GRAMD1B: variants seen among roughly 807,000 people sequenced by gnomAD.
GRAMD1B encodes the protein protein Aster-B.
In GRAMD1B, 37 loss-of-function variants were observed where a neutral mutation model predicts 99.7. That is an observed-to-expected ratio of 0.37 (90% CI 0.29 to 0.49). GRAMD1B has a LOEUF of 0.49. Among genes scored for constraint, GRAMD1B ranks in the 20% least tolerant of loss-of-function variants. The probability of loss-of-function intolerance (pLI) is 0.98; values close to 1 mark genes in which losing one functional copy is unlikely to be tolerated. For missense variants in GRAMD1B, 888 were observed against 1,009.2 expected (o/e 0.88, Z 1.63); for synonymous variants, 427 against 387.6 (o/e 1.10, Z -1.19).
chr11:123,571,356 G>C (rs1948061408), intron 2 of GRAMD1B, among the ~76,000 whole-genome samples: 1 of 152,200 alleles, frequency 6.6e-6, no homozygotes, highest in Non-Finnish European at 1.5e-5. Flanking sequence ...CGTGGGGGGT[G>C]AGGGTGGGGG....
At chr11:123,555,664 T>C (rs1383230977) in intron 2 of GRAMD1B, among the ~76,000 whole-genome samples, 1 of 151,954 alleles carries the variant, frequency 6.6e-6, no homozygotes, top group Non-Finnish European at 1.5e-5. Context: ...GATGGATTTT[T>C]AGAAATAACT....
intron 2 of GRAMD1B, among the ~76,000 whole-genome samples, chr11:123,517,664 C>G (rs561201745): frequency 6.6e-6 from 1 of 152,330 alleles, no homozygotes; most frequent in East Asian, 1.9e-4. Flanking sequence ...GTGTCAGTCC[C>G]TGTTCAATGA....
At chr11:123,491,056 G>C (rs1016895508) in intron 2 of GRAMD1B, among the ~76,000 whole-genome samples, 3 of 152,168 alleles carry the variant, frequency 2.0e-5, no homozygotes, top group Admixed American at 6.5e-5. Context: ...TTTGTGGCTG[G>C]GTGCAGTGGC....
rs566867305 is a variant in GRAMD1B, at chr11:123,623,687, C to G, written c.*1092C>G. The G allele has an allele frequency of 2.0e-5, 3 of 152,246 alleles. No individual in the cohort carries two copies. Among genetic ancestry groups the G allele is most frequent in the Non-Finnish European group, 4.4e-5 (3 of 68,084 alleles). 9.4% of individuals were successfully genotyped at this position (152,246 alleles called of 1,614,324 possible). A position where few individuals can be genotyped will look rare whatever the true frequency, so the allele number is the denominator to read the frequency against. ...CTCATTTGCTCTTTGAACGAACCAA[C>G]ATTAGCCAGTGGAGACGACTGTCTG... On this transcript the variant is annotated 3_prime_UTR_variant, in exon 20 of 20. Coordinates refer to ENST00000635736, the MANE Select transcript of GRAMD1B (RefSeq NM_001387025.1).
intron 2 of GRAMD1B, among the ~76,000 whole-genome samples, chr11:123,576,283 C>T (rs1252723139): frequency 6.6e-6 from 1 of 152,230 alleles, no homozygotes; most frequent in Non-Finnish European, 1.5e-5. Context: ...CAGGGTGTTC[C>T]TGAAGCCTGA....
At chr11:123,529,109 C>T (rs1943094225) in intron 2 of GRAMD1B, among the ~76,000 whole-genome samples, 1 of 152,182 alleles carries the variant, frequency 6.6e-6, no homozygotes, top group African/African-American at 2.4e-5. Context: ...ATTTAAAGGG[C>T]AATGCTTTGG....
chr11:123,408,017 C>A lies in GRAMD1B; in HGVS notation c.-176+49218C>A, dbSNP rs1036188146. 1.7e-4 allele frequency among the ~76,000 whole-genome samples: 26 copies of A among 152,314 alleles called. No individual in the cohort carries two copies. In the East Asian group the frequency reaches 4.4e-3, roughly 26 times the overall value. On this transcript the variant is annotated intron_variant, in intron 1 of 20. Transcript: ENST00000638157. The stretch of plus-strand genomic sequence containing the variant: ...GTTAGGATCATCATCTTGACACTTT[C>A]AAACGAGATAATGTAGATGTCTGTG...
At chr11:123,508,390 C>T (rs971796548) in intron 2 of GRAMD1B, among the ~76,000 whole-genome samples, 2 of 152,158 alleles carry the variant, frequency 1.3e-5, no homozygotes, top group African/African-American at 4.8e-5. Context: ...GACCTAATTA[C>T]CTGTTAAAGG....
chr11:123,607,371 T>C (rs1338197848), intron 11 of GRAMD1B, among the ~76,000 whole-genome samples: 2 of 152,332 alleles, frequency 1.3e-5, no homozygotes, highest in East Asian at 3.9e-4. Context: ...TTACCTTCCA[T>C]GGAGAGAAGC....
intron 16 of GRAMD1B, 94 bp downstream of exon 16, chr11:123,613,752 C>A (rs368268189): frequency 2.4e-6 from 2 of 822,040 alleles, no homozygotes. Context: ...TCATTTTGCA[C>A]CTTGGCTATA....
intron 2 of GRAMD1B, among the ~76,000 whole-genome samples, chr11:123,566,402 G>T (rs141862723): frequency 6.6e-6 from 1 of 152,328 alleles, no homozygotes; most frequent in Non-Finnish European, 1.5e-5. Flanking sequence ...TAAAAAGGCA[G>T]ATTTGGGGCC....
Position 123,554,514 on chromosome 11 carries a change from C to T in GRAMD1B, c.453-22853C>T, listed in dbSNP as rs533681474. ...GAGCAGCCTGGGCAACATAGGGAGA[C>T]CCCATCTTTACAAAAAAAAAAAAAA... On this transcript the variant is annotated intron_variant, in intron 2 of 19. Transcript: ENST00000635736. Among the ~76,000 whole-genome samples, 59 of 142,742 alleles carry T rather than the reference C, an allele frequency of 4.1e-4. No individual in the cohort carries two copies. In the South Asian group the frequency reaches 0.013, roughly 31 times the overall value. The allele number at this position is 142,742 out of a possible 152,430, so 93.6% of individuals were successfully genotyped here.
At chr11:123,486,054 T>G (rs995021728) in intron 2 of GRAMD1B, among the ~76,000 whole-genome samples, 3 of 152,222 alleles carry the variant, frequency 2.0e-5, no homozygotes, top group African/African-American at 7.2e-5. Context: ...TTAGTGTTAC[T>G]CAACCCTCAA....
intron 3 of GRAMD1B, among the ~76,000 whole-genome samples, chr11:123,581,564 T>C (rs1412032612): frequency 6.6e-6 from 1 of 152,188 alleles, no homozygotes; most frequent in African/African-American, 2.4e-5. Context: ...CGGGGGCTGC[T>C]TTGGACGTGG....
At chr11:123,517,821 C>T (rs1293889684) in intron 2 of GRAMD1B, among the ~76,000 whole-genome samples, 2 of 152,122 alleles carry the variant, frequency 1.3e-5, no homozygotes, top group South Asian at 4.1e-4. Flanking sequence ...AATGGTAATA[C>T]TGATATGTAA....
chr11:123,570,120 C>T (rs574605474), intron 2 of GRAMD1B, among the ~76,000 whole-genome samples: 2 of 152,360 alleles, frequency 1.3e-5, no homozygotes, highest in Admixed American at 1.3e-4. Context: ...CTCCTTGATA[C>T]TTAAGAGATA....
In GRAMD1B at chr11:123,447,498, G is replaced by C. The variant is rs148003342; in HGVS notation, c.374+16332G>C. The stretch of plus-strand genomic sequence containing the variant: ...CAGGCTGGGCCCCTCCATCTGTGGG[G>C]ACAGGGTGACAGTTTTTCCTAGGAC... On this transcript the variant is annotated intron_variant, in intron 1 of 19. Transcript: ENST00000635736. Among the ~76,000 whole-genome samples the C allele has an allele frequency of 2.1e-4, 32 of 152,236 alleles. No individual in the cohort carries two copies. The East Asian group carries it at 5.0e-3, about 24-fold the overall frequency.
chr11:123,433,809 A>T (rs1949026483), intron 1 of GRAMD1B, among the ~76,000 whole-genome samples: 1 of 150,398 alleles, frequency 6.6e-6, no homozygotes, highest in Admixed American at 6.7e-5. Context: ...TGGTTTCGAG[A>T]GTTGTCTATG....
intron 2 of GRAMD1B, among the ~76,000 whole-genome samples, chr11:123,517,350 A>G (rs553259207): frequency 3.9e-5 from 6 of 152,240 alleles, no homozygotes; most frequent in Non-Finnish European, 8.8e-5. Flanking sequence ...GAAAAAGTAG[A>G]TTAGGAGCAG....
Sources: allele counts gnomAD v4.1 joint callset (sites outside exome capture counted in the v4.1 genomes callset), GRCh38; gene constraint gnomAD v4.1.1; transcripts MANE v1.5; gene names NCBI Gene and HGNC (gene_info 2026-07-23, HGNC 2026-07-21).